The following OR1J2 variants were observed in gnomAD, a reference collection of about 807,000 sequenced individuals.
OR1J2 encodes olfactory receptor family 1 subfamily J member 2.
For synonymous variants in OR1J2, 142 were observed against 99.7 expected, an observed-to-expected ratio of 1.42 and a Z score of -2.52; for missense variants, 304 against 246.1, an observed-to-expected ratio of 1.24 and a Z score of -1.57.
At chr9:122,548,278 G>A in the OR1J2 span, among the ~76,000 whole-genome samples, 1 of 152,120 alleles carries the variant, frequency 6.6e-6, no homozygotes, top group South Asian at 2.1e-4. Flanking sequence ...TAATTGGGTG[G>A]AATTGACTAG....
At chr9:122,454,840 T>C in the OR1J2 span, among the ~76,000 whole-genome samples, 1 of 152,238 alleles carries the variant, frequency 6.6e-6, no homozygotes, top group Admixed American at 6.5e-5. Context: ...AGTCAAGTTA[T>C]TTATTTGTTT....
the OR1J2 span, among the ~76,000 whole-genome samples, chr9:122,550,906 T>C: frequency 2.6e-5 from 4 of 151,870 alleles, no homozygotes; most frequent in Non-Finnish European, 5.9e-5. Flanking sequence ...CTGGAAGTCC[T>C]TAACCAGAAC....
the OR1J2 span, among the ~76,000 whole-genome samples, chr9:122,528,497 C>G: frequency 6.6e-6 from 1 of 152,158 alleles, no homozygotes; most frequent in Non-Finnish European, 1.5e-5. Context: ...ACTTGGTAGG[C>G]TGAGGCCGGA....
upstream of OR1J2, among the ~76,000 whole-genome samples, chr9:122,507,277 GT>G (rs1036535214): frequency 4.6e-5 from 7 of 152,040 alleles, no homozygotes; most frequent in African/African-American, 1.7e-4. Context: ...GAAGAATGGA[GT>G]TAAAAAGGGT....
chr9:122,541,070 C>T, the OR1J2 span, among the ~76,000 whole-genome samples: 1 of 152,192 alleles, frequency 6.6e-6, no homozygotes, highest in Non-Finnish European at 1.5e-5. Flanking sequence ...TTTCTACTAG[C>T]TCACCCCAGC....
At chr9:122,571,800 T>C in the OR1J2 span, among the ~76,000 whole-genome samples, 1 of 152,066 alleles carries the variant, frequency 6.6e-6, no homozygotes. Context: ...TGCCTTGGAC[T>C]TGAGGCAGAA....
chr9:122,540,057 T>C, the OR1J2 span, among the ~76,000 whole-genome samples: 5 of 152,224 alleles, frequency 3.3e-5, no homozygotes, highest in East Asian at 1.9e-4. Context: ...TTCTCCCATT[T>C]TGTAGGTTGC....
chr9:122,529,563 A>AT, the OR1J2 span, among the ~76,000 whole-genome samples: 2 of 152,256 alleles, frequency 1.3e-5, no homozygotes, highest in South Asian at 2.1e-4. Context: ...CTTCTGTCGT[A>AT]TTTTTTGGTC....
chr9:122,540,927 T>G, the OR1J2 span, among the ~76,000 whole-genome samples: 1 of 152,144 alleles, frequency 6.6e-6, no homozygotes, highest in African/African-American at 2.4e-5. Context: ...TGTCTGTTAT[T>G]GGTGTATAGG....
chr9:122,528,504 C>T, the OR1J2 span, among the ~76,000 whole-genome samples: 11 of 151,992 alleles, frequency 7.2e-5, no homozygotes, highest in African/African-American at 1.5e-4. Context: ...AGGCTGAGGC[C>T]GGAGAAGCAC....
the OR1J2 span, among the ~76,000 whole-genome samples, chr9:122,548,313 G>C: frequency 1.3e-5 from 2 of 152,088 alleles, no homozygotes; most frequent in Admixed American, 6.6e-5. Context: ...GTCTAACAAG[G>C]TTTCTTTATA....
At chr9:122,490,890 T>C in the OR1J2 span, among the ~76,000 whole-genome samples, 1 of 151,454 alleles carries the variant, frequency 6.6e-6, no homozygotes, top group East Asian at 1.9e-4. Context: ...AGTTCAGGAG[T>C]GGATAATGAG....
chr9:122,498,817 G>T, the OR1J2 span, among the ~76,000 whole-genome samples: 56,291 of 151,392 alleles, frequency 0.37, 10,946 homozygotes, highest in African/African-American at 0.45. Context: ...TTTCTTTCCC[G>T]TTAATGTTAT....
At chr9:122,574,948 T>C in the OR1J2 span, among the ~76,000 whole-genome samples, 1 of 152,114 alleles carries the variant, frequency 6.6e-6, no homozygotes, top group Non-Finnish European at 1.5e-5. Context: ...TGCATCTATT[T>C]ATGTATTCAT....
the OR1J2 span, among the ~76,000 whole-genome samples, chr9:122,560,692 A>T: frequency 2.0e-5 from 3 of 152,076 alleles, no homozygotes; most frequent in African/African-American, 7.2e-5. Context: ...CTGCTGAGAG[A>T]TCCTCTCTTA....
At chr9:122,470,081 C>T in the OR1J2 span, among the ~76,000 whole-genome samples, 1 of 152,194 alleles carries the variant, frequency 6.6e-6, no homozygotes, top group Non-Finnish European at 1.5e-5. Flanking sequence ...CAGATACTTG[C>T]ATAAATAATG....
At chr9:122,520,517 TAG>T in the OR1J2 span, among the ~76,000 whole-genome samples, 2 of 152,208 alleles carry the variant, frequency 1.3e-5, no homozygotes, top group African/African-American at 2.4e-5. Flanking sequence ...AGAAACTATA[TAG>T]TACCCTTTAC....
chr9:122,527,347 T>C, the OR1J2 span: 3 of 1,119,976 alleles, frequency 2.7e-6, no homozygotes, highest in Non-Finnish European at 3.9e-6. Flanking sequence ...AGATTTCATC[T>C]ACAACTGTGT....
chr9:122,506,599 A>T (rs1828526064), upstream of OR1J2, among the ~76,000 whole-genome samples: 1 of 152,190 alleles, frequency 6.6e-6, no homozygotes, highest in South Asian at 2.1e-4. Context: ...AAATGCAGGG[A>T]AGGTAAGCAC....
Sources: allele counts gnomAD v4.1 joint callset (sites outside exome capture counted in the v4.1 genomes callset), GRCh38; gene constraint gnomAD v4.1.1; transcripts MANE v1.5; gene names NCBI Gene and HGNC (gene_info 2026-07-23, HGNC 2026-07-21).